Variants in FAM20A observed in about 807,000 individuals in gnomAD.
FAM20A encodes the protein pseudokinase FAM20A.
In FAM20A, 42 loss-of-function variants were observed where a neutral mutation model predicts 52.0. The observed-to-expected ratio is 0.81, with a 90% confidence interval of 0.63 to 1.04. The LOEUF is 1.04. Among genes scored for constraint, FAM20A ranks in the 50% least tolerant of loss-of-function variants. The pLI is 0.00. For missense variants in FAM20A, 742 were observed against 712.7 expected (o/e 1.04, Z -0.47); for synonymous variants, 304 against 298.9 (o/e 1.02, Z -0.18).
chr17:68,553,091 G>T (rs1306795334), intron 3 of FAM20A, among the ~76,000 whole-genome samples: 1 of 152,146 alleles, frequency 6.6e-6, no homozygotes, highest in Non-Finnish European at 1.5e-5. Flanking sequence ...ATTGCTGAGG[G>T]AGGGATGCTG....
intron 4 of FAM20A, among the ~76,000 whole-genome samples, chr17:68,550,576 T>G (rs1302028346): frequency 6.6e-6 from 1 of 152,082 alleles, no homozygotes; most frequent in African/African-American, 2.4e-5. Context: ...AGATGGGGTT[T>G]CACCATGATG....
intron 1 of FAM20A, among the ~76,000 whole-genome samples, chr17:68,578,802 G>A (rs1386469527): frequency 7.2e-6 from 1 of 138,792 alleles, no homozygotes; most frequent in African/African-American, 2.7e-5. Context: ...GACCATCCTG[G>A]TGAACATGGT....
intron 9 of FAM20A, 111 bp from the exon 10 acceptor site, chr17:68,539,507 AG>A: frequency 7.2e-6 from 7 of 973,026 alleles, no homozygotes; most frequent in Non-Finnish European, 1.2e-5. Context: ...GTAAAATGCC[AG>A]GGATCATGGC....
chr17:68,539,763 G>A (rs2086207419), intron 9 of FAM20A, 122 bp downstream of exon 9: 2 of 887,766 alleles, frequency 2.3e-6, no homozygotes, highest in African/African-American at 1.6e-5. Flanking sequence ...GGGCTCGAAG[G>A]AGACAAGGCA....
chr17:68,581,947 C>G (rs541766334), intron 1 of FAM20A, among the ~76,000 whole-genome samples: 12 of 152,176 alleles, frequency 7.9e-5, no homozygotes, highest in African/African-American at 2.9e-4. Context: ...AAGGACTGTA[C>G]CTGCTTATGG....
intron 1 of FAM20A, among the ~76,000 whole-genome samples, chr17:68,573,975 A>G (rs2087652751): frequency 1.3e-5 from 2 of 151,590 alleles, no homozygotes; most frequent in Admixed American, 6.6e-5. Context: ...ACCACACCTG[A>G]CCACATTTAT....
chr17:68,560,343 CAAAA>C (rs59192235), intron 1 of FAM20A, among the ~76,000 whole-genome samples: 3 of 108,302 alleles, frequency 2.8e-5, no homozygotes, highest in African/African-American at 3.2e-5. Context: ...AACTCCATCT[CAAAA>C]AAAAAAAAAA....
chr17:68,552,904 A>C (rs1181842341), intron 3 of FAM20A, among the ~76,000 whole-genome samples: 2 of 146,606 alleles, frequency 1.4e-5, no homozygotes, highest in African/African-American at 5.0e-5. Flanking sequence ...GATGGTCTCG[A>C]TCTCCTGACC....
At chr17:68,577,388 C>T (rs2087803728) in intron 1 of FAM20A, among the ~76,000 whole-genome samples, 1 of 152,254 alleles carries the variant, frequency 6.6e-6, no homozygotes, top group Non-Finnish European at 1.5e-5. Flanking sequence ...TGCAGAATCT[C>T]CCTTTCTGCA....
intron 1 of FAM20A, chr17:68,591,666 G>C (rs911537473): frequency 2.6e-5 from 4 of 152,226 alleles, no homozygotes; most frequent in Admixed American, 6.5e-5. Flanking sequence ...CCGGACTGCT[G>C]GTCCCAGATG....
intron 9 of FAM20A, 110 bp downstream of exon 9, chr17:68,539,775 G>A (rs1370390944): frequency 3.1e-5 from 30 of 972,858 alleles, no homozygotes; most frequent in Non-Finnish European, 3.9e-5. Flanking sequence ...GACAAGGCAC[G>A]TGGTGGTGGA....
chr17:68,580,354 T>C (rs551536462), intron 1 of FAM20A, among the ~76,000 whole-genome samples: 2 of 152,340 alleles, frequency 1.3e-5, no homozygotes, highest in Admixed American at 1.3e-4. Flanking sequence ...TTTTGCGAAA[T>C]GGGCTGGTTT....
intron 1 of FAM20A, among the ~76,000 whole-genome samples, chr17:68,559,199 C>G (rs552836227): frequency 3.3e-5 from 5 of 152,328 alleles, no homozygotes; most frequent in African/African-American, 1.2e-4. Flanking sequence ...GTACTTTGTT[C>G]ACAGAAAGGC....
intron 1 of FAM20A, among the ~76,000 whole-genome samples, chr17:68,568,502 T>A (rs959647744): frequency 2.0e-5 from 3 of 150,730 alleles, no homozygotes; most frequent in Non-Finnish European, 2.9e-5. Context: ...ATAAAAATTT[T>A]AAAAATAAAT....
chr17:68,565,383 C>CTTTT (rs796800181), intron 1 of FAM20A, among the ~76,000 whole-genome samples: 2 of 103,780 alleles, frequency 1.9e-5, no homozygotes, highest in African/African-American at 4.4e-5. Flanking sequence ...CCATTACCTC[C>CTTTT]TTTTTTTTTT....
At chr17:68,538,245 C>A (rs1167605496) in intron 10 of FAM20A, among the ~76,000 whole-genome samples, 1 of 152,144 alleles carries the variant, frequency 6.6e-6, no homozygotes, top group Non-Finnish European at 1.5e-5. Flanking sequence ...ATTTCAGTTT[C>A]TTTTTATGTG....
At position 68,587,204 on chromosome 17, in the gene FAM20A, C is replaced by A. The variant is rs561405701; in HGVS notation, c.404+13059G>T. ...TGAGCCACCGCGCCTGACTGACCTC[C>A]AATGTTTTGGGAGTGTGACACTTCG... On this transcript the variant is annotated intron_variant, in intron 1 of 10. Coordinates refer to ENST00000592554, the MANE Select transcript of FAM20A (RefSeq NM_017565.4). 3.0e-4 allele frequency among the ~76,000 whole-genome samples: 45 copies of A among 152,318 alleles called. 1 individual carries two copies. Among genetic ancestry groups the A allele is most frequent in the African/African-American group, 1.1e-3 (44 of 41,570 alleles).
chr17:68,565,154 T>C (rs905936727), intron 1 of FAM20A, among the ~76,000 whole-genome samples: 2 of 152,150 alleles, frequency 1.3e-5, no homozygotes, highest in African/African-American at 2.4e-5. Context: ...TGGAGTAATT[T>C]TGATACCTGA....
rs758383494 is a variant in FAM20A, at chr17:68,555,545, C to A, written c.589+14G>T. The A allele has an allele frequency of 2.5e-6, 4 of 1,612,350 alleles. No individual in the cohort carries two copies. Among genetic ancestry groups the A allele is most frequent in the Non-Finnish European group, 3.4e-6 (4 of 1,179,988 alleles). On this transcript the variant is annotated intron_variant, in intron 2 of 10. Coordinates refer to ENST00000592554, the MANE Select transcript of FAM20A (RefSeq NM_017565.4). ...GAAAGTCAGTCCCCCCTTGCTTGAT[C>A]CCATGAACCTTACCAGCACTGATGG...
Sources: gnomAD v4.1 joint callset for allele counts (sites outside exome capture counted in the v4.1 genomes callset) on GRCh38, gnomAD v4.1.1 for gene constraint, MANE v1.5 for transcripts, NCBI Gene and HGNC (gene_info 2026-07-23, HGNC 2026-07-21) for gene names.